ROBO2: variants seen among roughly 807,000 people sequenced by gnomAD.
ROBO2 encodes the protein roundabout homolog 2.
A neutral mutation model predicts 160.8 loss-of-function variants in ROBO2; 53 were observed. The ratio of observed to expected loss-of-function variants is 0.33; its 90% CI spans 0.26 to 0.41. ROBO2 has a LOEUF of 0.41. Among genes scored for constraint, ROBO2 ranks in the 10% least tolerant of loss-of-function variants. The probability of loss-of-function intolerance (pLI) is 1.00; values close to 1 mark genes in which losing one functional copy is unlikely to be tolerated. For missense variants in ROBO2, 1,577 were observed against 1,722.4 expected (o/e 0.92, Z 1.49); for synonymous variants, 664 against 611.7 (o/e 1.09, Z -1.26).
intron 2 of ROBO2, among the ~76,000 whole-genome samples, chr3:76,862,476 T>C (rs1265519097): frequency 1.3e-5 from 2 of 152,002 alleles, no homozygotes; most frequent in Non-Finnish European, 2.9e-5. Context: ...AATTTGTGAG[T>C]TTTTATGCAA....
chr3:76,190,747 G>A (rs1012439312), intron 2 of ROBO2, among the ~76,000 whole-genome samples: 3 of 151,980 alleles, frequency 2.0e-5, no homozygotes, highest in Admixed American at 1.3e-4. Flanking sequence ...TAATGTTATG[G>A]ACAATAAAGT....
intron 2 of ROBO2, among the ~76,000 whole-genome samples, chr3:76,996,647 T>A (rs1007292733): frequency 1.2e-4 from 19 of 152,156 alleles, no homozygotes; most frequent in African/African-American, 4.6e-4. Flanking sequence ...TTTTGTCCCA[T>A]CAGCCATTTT....
chr3:76,292,074 G>T (rs1310604857), intron 2 of ROBO2, among the ~76,000 whole-genome samples: 1 of 152,042 alleles, frequency 6.6e-6, no homozygotes, highest in Non-Finnish European at 1.5e-5. Flanking sequence ...TTAGTTTTCT[G>T]CCTCGATGAT....
intron 23 of ROBO2, chr3:77,630,515 T>C (rs1033724601): frequency 1.5e-5 from 2 of 137,666 alleles, no homozygotes; most frequent in African/African-American, 2.6e-5. Context: ...GTCCCCCCCT[T>C]GACACATGGG....
At chr3:77,445,668 A>C (rs2080400380) in intron 2 of ROBO2, among the ~76,000 whole-genome samples, 1 of 152,104 alleles carries the variant, frequency 6.6e-6, no homozygotes, top group South Asian at 2.1e-4. Context: ...CCTTAACTTG[A>C]TAACTATGGA....
At chr3:76,892,232 G>C (rs896523386) in intron 2 of ROBO2, among the ~76,000 whole-genome samples, 3 of 150,446 alleles carry the variant, frequency 2.0e-5, no homozygotes, top group Admixed American at 1.3e-4. Context: ...TCACACGAGG[G>C]AGATGTGCCA....
chr3:77,646,219 C>A, exon 26 of ROBO2: 1 of 462,068 alleles, frequency 2.2e-6, no homozygotes, highest in South Asian at 6.4e-5. Flanking sequence ...CAGATATTTT[C>A]ATTGTGTTCT....
chr3:77,177,871 A>T (rs1314346519), intron 2 of ROBO2, among the ~76,000 whole-genome samples: 1 of 152,002 alleles, frequency 6.6e-6, no homozygotes, highest in African/African-American at 2.4e-5. Context: ...ATTTATAATT[A>T]TGTACGTATA....
At chr3:77,068,348 C>T (rs2067076240) in intron 1 of ROBO2, among the ~76,000 whole-genome samples, 1 of 152,110 alleles carries the variant, frequency 6.6e-6, no homozygotes, top group Admixed American at 6.6e-5. Flanking sequence ...AAGTTTCCTT[C>T]TATTGTGTCA....
At chr3:76,272,816 G>GTATTTATATATAATATATA (rs1707565930) in intron 2 of ROBO2, among the ~76,000 whole-genome samples, 2 of 3,238 alleles carry the variant, frequency 6.2e-4, no homozygotes, top group Non-Finnish European at 1.0e-3. Flanking sequence ...TATATAATAT[G>GTATTTATATATAATATATA]TATTTATATA....
chr3:76,114,156 C>G (rs2070361824), intron 2 of ROBO2, among the ~76,000 whole-genome samples: 1 of 152,178 alleles, frequency 6.6e-6, no homozygotes. Context: ...CTAATCACCT[C>G]TTAAAGTCCC....
At chr3:76,462,009 C>T (rs2078112393) in intron 2 of ROBO2, among the ~76,000 whole-genome samples, 1 of 152,064 alleles carries the variant, frequency 6.6e-6, no homozygotes, top group African/African-American at 2.4e-5. Flanking sequence ...CTCCTCCATC[C>T]CCACCAACAA....
intron 2 of ROBO2, among the ~76,000 whole-genome samples, chr3:77,169,738 CT>C (rs138132300): frequency 0.089 from 13,574 of 151,962 alleles, 793 homozygotes; most frequent in African/African-American, 0.16. Context: ...CTTTTCCTTT[CT>C]TTTTTTATTT....
intron 2 of ROBO2, among the ~76,000 whole-genome samples, chr3:77,034,438 T>C (rs1194116566): frequency 1.3e-5 from 2 of 151,480 alleles, no homozygotes; most frequent in Admixed American, 6.6e-5. Context: ...GAATTTGTTT[T>C]ATCAGGCAGA....
chr3:77,451,061 T>C (rs2081066427), intron 2 of ROBO2, among the ~76,000 whole-genome samples: 1 of 152,108 alleles, frequency 6.6e-6, no homozygotes, highest in South Asian at 2.1e-4. Flanking sequence ...TGATACCACT[T>C]TTCAAAAGTC....
At chr3:76,904,811 C>G (rs755796885) in intron 2 of ROBO2, among the ~76,000 whole-genome samples, 1 of 152,270 alleles carries the variant, frequency 6.6e-6, no homozygotes, top group Non-Finnish European at 1.5e-5. Context: ...AAACATAAAG[C>G]TCTTATTTGC....
chr3:77,233,119 A>T (rs182242716), intron 2 of ROBO2, among the ~76,000 whole-genome samples: 1 of 152,332 alleles, frequency 6.6e-6, no homozygotes, highest in East Asian at 1.9e-4. Flanking sequence ...GTCATATAAT[A>T]GTTTTTAACC....
At chr3:76,974,558 T>C (rs574929887) in intron 2 of ROBO2, among the ~76,000 whole-genome samples, 2 of 152,154 alleles carry the variant, frequency 1.3e-5, no homozygotes, top group African/African-American at 4.8e-5. Flanking sequence ...GGTTACTATG[T>C]TCATGTTTCG....
intron 1 of ROBO2, among the ~76,000 whole-genome samples, chr3:75,931,827 G>T (rs2106941520): frequency 6.6e-6 from 1 of 151,982 alleles, no homozygotes; most frequent in Middle Eastern, 3.4e-3. Flanking sequence ...TTGGGTTTCT[G>T]TACCTGTCTT....
Sources: gnomAD v4.1 joint callset for allele counts (sites outside exome capture counted in the v4.1 genomes callset) on GRCh38, gnomAD v4.1.1 for gene constraint, MANE v1.5 for transcripts, NCBI Gene and HGNC (gene_info 2026-07-23, HGNC 2026-07-21) for gene names.